The following TTC7B variants were observed in gnomAD, a reference collection of about 807,000 sequenced individuals.
The protein encoded by TTC7B is tetratricopeptide repeat domain 7B, also known as tetratricopeptide repeat protein 7B.
Under a neutral mutation model 106.8 loss-of-function variants are expected in TTC7B, and 28 were observed. The observed-to-expected ratio is 0.26, with a 90% confidence interval of 0.19 to 0.36. TTC7B has a LOEUF of 0.36. Among genes scored for constraint, TTC7B ranks in the 10% least tolerant of loss-of-function variants. The pLI, the probability that TTC7B is intolerant of heterozygous loss-of-function variation, is 1.00. For missense variants in TTC7B, 862 were observed against 1,076.4 expected (o/e 0.80, Z 2.79); for synonymous variants, 405 against 430.6 (o/e 0.94, Z 0.74).
At chr14:90,744,647 C>G in intron 4 of TTC7B, 145 bp downstream of exon 4, 1 of 844,770 alleles carries the variant, frequency 1.2e-6, no homozygotes, top group Non-Finnish European at 1.8e-6. Context: ...ATCACTACCA[C>G]ACTCTCCTTA....
Position 90,799,589 on chromosome 14 carries a change from G to A in TTC7B, c.122-13261C>T, listed in dbSNP as rs143254844. The stretch of plus-strand genomic sequence containing the variant: ...GAGTCAGTCATGCCCAGATCTGAGC[G>A]AAGAGCATTCCAGGAGAGGGAGCAG... On this transcript the variant is annotated intron_variant, in intron 1 of 19. Coordinates refer to ENST00000328459, the MANE Select transcript of TTC7B (RefSeq NM_001010854.2). Among the ~76,000 whole-genome samples, 607 of 152,250 alleles carry A rather than the reference G, an allele frequency of 4.0e-3. 4 individuals are homozygous for A. The highest frequency in any genetic ancestry group is 0.014 in the African/African-American group (577 of 41,558).
intron 15 of TTC7B, among the ~76,000 whole-genome samples, chr14:90,626,919 T>C (rs2139859833): frequency 6.6e-6 from 1 of 152,344 alleles, no homozygotes; most frequent in East Asian, 1.9e-4. Context: ...GGGAGCTTTT[T>C]GGCAAACTTC....
intron 3 of TTC7B, among the ~76,000 whole-genome samples, chr14:90,755,765 A>G (rs774667152): frequency 2.6e-5 from 4 of 152,368 alleles, no homozygotes; most frequent in Middle Eastern, 6.8e-3. Flanking sequence ...CAGCTCTGTG[A>G]TTTGCAGCAA....
At chr14:90,812,472 C>A (rs2030950467) in intron 1 of TTC7B, among the ~76,000 whole-genome samples, 1 of 152,176 alleles carries the variant, frequency 6.6e-6, no homozygotes, top group Admixed American at 6.5e-5. Flanking sequence ...CCCCCAAACC[C>A]CTGGACACCT....
chr14:90,758,874 C>G (rs974652048), intron 3 of TTC7B, among the ~76,000 whole-genome samples: 1 of 152,214 alleles, frequency 6.6e-6, no homozygotes, highest in African/African-American at 2.4e-5. Flanking sequence ...GTCTCTAGCT[C>G]TGGAGTTGTT....
At chr14:90,738,319 G>T (rs933094841) in intron 4 of TTC7B, among the ~76,000 whole-genome samples, 1 of 152,098 alleles carries the variant, frequency 6.6e-6, no homozygotes, top group Non-Finnish European at 1.5e-5. Context: ...GGTAGAGAAA[G>T]TTAGTAGAGG....
intron 9 of TTC7B, among the ~76,000 whole-genome samples, chr14:90,666,915 A>G (rs1379151182): frequency 6.6e-6 from 1 of 152,216 alleles, no homozygotes; most frequent in Non-Finnish European, 1.5e-5. Context: ...AAGTAGACCA[A>G]GCTTGCACAT....
At chr14:90,800,823 G>C in intron 1 of TTC7B, among the ~76,000 whole-genome samples, 1 of 151,662 alleles carries the variant, frequency 6.6e-6, no homozygotes, top group South Asian at 2.1e-4. Flanking sequence ...AAAAAGGTCA[G>C]AGTCCAAGGA....
intron 3 of TTC7B, 136 bp downstream of exon 3, chr14:90,780,602 C>T: frequency 2.1e-6 from 2 of 972,070 alleles, no homozygotes; most frequent in Non-Finnish European, 3.0e-6. Flanking sequence ...GCATGTGCTG[C>T]AGGGCGGCCC....
intron 3 of TTC7B, among the ~76,000 whole-genome samples, chr14:90,771,678 G>A (rs1890867966): frequency 6.6e-6 from 1 of 151,544 alleles, no homozygotes; most frequent in Admixed American, 6.6e-5. Flanking sequence ...TAATGACGTG[G>A]AAAAATAATT....
At position 90,674,759 on chromosome 14, in the gene TTC7B, C is replaced by G. The variant is rs75316065; in HGVS notation, c.1152+1764G>C. 1.5e-3 allele frequency among the ~76,000 whole-genome samples: 227 copies of G among 152,326 alleles called. 2 individuals carry two copies. Among genetic ancestry groups the G allele is most frequent in the African/African-American group, 5.0e-3 (208 of 41,570 alleles). On this transcript the variant is annotated intron_variant, in intron 9 of 19. Coordinates refer to ENST00000328459, the MANE Select transcript of TTC7B (RefSeq NM_001010854.2). Reference sequence around the variant, plus strand: ...CAGATATGGTATAAAATTCAAAAGGCTCTGGGGGAGATACAGTAACAAATT... The same window carrying G: ...CAGATATGGTATAAAATTCAAAAGGGTCTGGGGGAGATACAGTAACAAATT...
chr14:90,587,566 C>T (rs1225506429), intron 18 of TTC7B, among the ~76,000 whole-genome samples: 1 of 152,218 alleles, frequency 6.6e-6, no homozygotes, highest in African/African-American at 2.4e-5. Context: ...CCTCTGGCTC[C>T]CCTGGTTGGG....
rs1375192387 is a variant in TTC7B at position 90,538,170 on chromosome 14, A to C, written c.*3198T>G. On this transcript the variant is annotated 3_prime_UTR_variant, in exon 20 of 20. Coordinates refer to ENST00000328459, the MANE Select transcript of TTC7B (RefSeq NM_001010854.2). ...AATCTTAGTTCTGCCAGGTAATTCC[A>C]CAATGACCCCAGGCAGGTGTCCTGC... 1.3e-5 allele frequency: 2 copies of C among 152,224 alleles called. No individual in the cohort carries two copies. Among genetic ancestry groups the C allele is most frequent in the Non-Finnish European group, 2.9e-5 (2 of 68,050 alleles). The allele number at this position is 152,224 out of a possible 1,614,324, so 9.4% of individuals were successfully genotyped here.
At position 90,526,223 on chromosome 14, in the gene TTC7B, A is replaced by G. The variant is rs1373058188; in HGVS notation, c.*15145T>C. On this transcript the variant is annotated 3_prime_UTR_variant, in exon 20 of 20. Transcript: ENST00000328459. The stretch of plus-strand genomic sequence containing the variant: ...CTGTCTTTTTGATTATAGACATCCT[A>G]GTGGGTGTAAGGTGGTATCTCTTGG... 6.6e-6 allele frequency: 1 copy of G among 152,154 alleles called. No homozygotes were observed. The highest frequency in any genetic ancestry group is 1.5e-5 in the Non-Finnish European group (1 of 68,020). The allele number at this position is 152,154 out of a possible 1,614,324, so 9.4% of individuals were successfully genotyped here.
chr14:90,657,441 C>A lies in TTC7B; in HGVS notation c.1237-163G>T, dbSNP rs906855148. 8.4e-6 allele frequency: 5 copies of A among 595,000 alleles called. No homozygotes were observed. Among genetic ancestry groups the A allele is most frequent in the African/African-American group, 3.7e-5 (2 of 53,658 alleles). 36.9% of individuals were successfully genotyped at this position (595,000 alleles called of 1,614,324 possible). ...TGAGGTGCATGAAAACCAGAGCCTG[C>A]GGCTTCTGAGTGACTGGGGAGTACA... On this transcript the variant is annotated intron_variant, in intron 10 of 19. Transcript: ENST00000328459. This position sits in a 1 kb window ranked among gnomAD's most constrained non-coding sequence, Gnocchi z 4.2.
chr14:90,643,100 T>C (rs1047028821), intron 15 of TTC7B, among the ~76,000 whole-genome samples: 7 of 152,200 alleles, frequency 4.6e-5, no homozygotes, highest in African/African-American at 1.7e-4. Context: ...CACTACATTC[T>C]AATGTACATT....
chr14:90,732,932 C>T (rs1369658020), intron 4 of TTC7B, among the ~76,000 whole-genome samples: 2 of 152,156 alleles, frequency 1.3e-5, no homozygotes, highest in Admixed American at 6.5e-5. Flanking sequence ...CTGCCCTATT[C>T]GCCTGCCCAC....
intron 19 of TTC7B, among the ~76,000 whole-genome samples, chr14:90,571,029 C>T (rs1483824390): frequency 5.3e-5 from 8 of 152,084 alleles, no homozygotes; most frequent in African/African-American, 1.2e-4. Flanking sequence ...TACGATTTCA[C>T]GACTTTCTTG....
At chr14:90,607,170 A>G (rs1212387164) in intron 17 of TTC7B, among the ~76,000 whole-genome samples, 1 of 152,206 alleles carries the variant, frequency 6.6e-6, no homozygotes, top group Non-Finnish European at 1.5e-5. Context: ...TAGAAATTAA[A>G]AAACAGAAAA....
Sources: gnomAD v4.1 joint callset for allele counts (sites outside exome capture counted in the v4.1 genomes callset) on GRCh38, gnomAD v4.1.1 for gene constraint, Gnocchi (gnomAD v3.1) non-coding constraint, MANE v1.5 for transcripts, NCBI Gene and HGNC (gene_info 2026-07-23, HGNC 2026-07-21) for gene names.